TBC1D1: variants seen among roughly 807,000 people sequenced by gnomAD.
TBC1D1 encodes the protein TBC1 (tre-2/USP6, BUB2, cdc16) domain family, member 1.
TBC1D1 carries 89 observed loss-of-function variants against 125.6 expected under a neutral mutation model. The observed-to-expected ratio is 0.71, with a 90% CI of 0.60 to 0.85. The LOEUF (loss-of-function observed/expected upper bound fraction) is 0.85, where lower values mean the gene tolerates loss of function less well. Ranked by LOEUF, TBC1D1 falls within the 40% of genes least tolerant of loss-of-function variation. The probability of loss-of-function intolerance (pLI) is 0.00; values close to 1 mark genes in which losing one functional copy is unlikely to be tolerated. For missense variants in TBC1D1, 1,377 were observed against 1,469.2 expected (o/e 0.94, Z 1.03); for synonymous variants, 565 against 564.1 (o/e 1.00, Z -0.02).
At chr4:37,945,202 C>T (rs1726418849) in intron 2 of TBC1D1, among the ~76,000 whole-genome samples, 1 of 152,022 alleles carries the variant, frequency 6.6e-6, no homozygotes, top group African/African-American at 2.4e-5. Flanking sequence ...AAGCTGGTAT[C>T]CAATGTGACC....
chr4:37,937,098 T>A (rs990476052), intron 2 of TBC1D1, among the ~76,000 whole-genome samples: 1 of 152,232 alleles, frequency 6.6e-6, no homozygotes, highest in African/African-American at 2.4e-5. Flanking sequence ...ACGCTGGCAC[T>A]GCTGCTGCCA....
chr4:38,126,246 T>C (rs916460582), intron 18 of TBC1D1, among the ~76,000 whole-genome samples: 1 of 152,244 alleles, frequency 6.6e-6, no homozygotes, highest in Non-Finnish European at 1.5e-5. Context: ...TCTAATCTTA[T>C]GGGACCACCA....
At chr4:37,911,388 C>T (rs1718604320) in intron 2 of TBC1D1, among the ~76,000 whole-genome samples, 1 of 152,140 alleles carries the variant, frequency 6.6e-6, no homozygotes, top group Non-Finnish European at 1.5e-5. Context: ...AACCCACAAC[C>T]ACAGAAGGTG....
At chr4:38,121,141 T>G (rs1763778839) in intron 17 of TBC1D1, among the ~76,000 whole-genome samples, 1 of 152,236 alleles carries the variant, frequency 6.6e-6, no homozygotes, top group African/African-American at 2.4e-5. Context: ...GCTGTTGTTC[T>G]GCACAGCACT....
rs150240816 is a variant in TBC1D1, at chr4:38,041,803, A to G, written c.1414-2559A>G. On this transcript the variant is annotated intron_variant, in intron 8 of 19. Transcript: ENST00000261439. ...ACATGAATTGATAGGATAAACACCA[A>G]ATATTTCTGCATATGGCCAGGTGTG... is the stretch of plus-strand genomic sequence containing the variant. 5.4e-3 allele frequency among the ~76,000 whole-genome samples: 818 copies of G among 152,336 alleles called. 41 individuals are homozygous for G. Among genetic ancestry groups the G allele is most frequent in the Admixed American group, 0.051 (775 of 15,304 alleles).
rs80217025 is a variant in TBC1D1 at position 37,905,369 on chromosome 4, T to G, written c.417+2857T>G. Among the ~76,000 whole-genome samples, 183 of 152,370 alleles carry G rather than the reference T, an allele frequency of 1.2e-3. 3 individuals are homozygous for G. The East Asian group carries it at 0.028, about 24-fold the overall frequency. On this transcript the variant is annotated intron_variant, in intron 2 of 19. Coordinates refer to ENST00000261439, the MANE Select transcript of TBC1D1 (RefSeq NM_015173.4). ...ACTGAGGGTCCTGGGAATTTAACCA[T>G]GTTTATACAGTCTTTTATACATTAT...
At chr4:37,906,030 A>G (rs1012318144) in intron 2 of TBC1D1, among the ~76,000 whole-genome samples, 2 of 152,178 alleles carry the variant, frequency 1.3e-5, no homozygotes, top group African/African-American at 4.8e-5. Context: ...TGTCTATGAT[A>G]TTGGCTAGTT....
intron 12 of TBC1D1, among the ~76,000 whole-genome samples, chr4:38,067,141 C>G (rs1213928971): frequency 6.6e-6 from 1 of 152,178 alleles, no homozygotes; most frequent in East Asian, 1.9e-4. Flanking sequence ...TCCCAAAGTG[C>G]TGGGATTACA....
At chr4:38,005,371 A>G (rs1183722837) in intron 2 of TBC1D1, among the ~76,000 whole-genome samples, 1 of 152,216 alleles carries the variant, frequency 6.6e-6, no homozygotes, top group Non-Finnish European at 1.5e-5. Flanking sequence ...GTCTGGGGCT[A>G]GTTCTACCTG....
intron 2 of TBC1D1, among the ~76,000 whole-genome samples, chr4:37,985,171 T>C (rs984964202): frequency 6.6e-6 from 1 of 152,116 alleles, no homozygotes; most frequent in African/African-American, 2.4e-5. Flanking sequence ...GCCAGGATGG[T>C]CTTAAGCTCC....
intron 2 of TBC1D1, among the ~76,000 whole-genome samples, chr4:37,911,869 G>A (rs774505103): frequency 1.2e-4 from 18 of 152,210 alleles, no homozygotes; most frequent in Admixed American, 2.6e-4. Context: ...GAGGGCTAGT[G>A]TAATAAATGC....
intron 12 of TBC1D1, chr4:38,060,692 T>A: frequency 3.2e-6 from 4 of 1,258,812 alleles, no homozygotes; most frequent in Non-Finnish European, 4.2e-6. Flanking sequence ...ATCTGTCAGA[T>A]GAAGACCTCA....
intron 12 of TBC1D1, among the ~76,000 whole-genome samples, chr4:38,057,816 C>G (rs1302676671): frequency 1.3e-5 from 2 of 152,178 alleles, no homozygotes; most frequent in African/African-American, 4.8e-5. Context: ...ATCACTTTCC[C>G]CAAACCAGGG....
Position 37,902,176 on chromosome 4 carries a change from C to G in TBC1D1, c.81C>G (p.Gly27=), listed in dbSNP as rs140988541. The G allele has an allele frequency of 6.2e-7, 1 of 1,614,062 alleles. No homozygotes were observed. Among genetic ancestry groups the G allele is most frequent in the East Asian group, 2.2e-5 (1 of 44,868 alleles). Residue 27 remains glycine, a synonymous_variant, in exon 2 of 20, where the codon GGC becomes GGG. Transcript: ENST00000261439. The stretch of plus-strand genomic sequence containing the variant: ...TGGATTTTGGCCTGCAGCTGGTGGG[C>G]TCCCTGCCTGTGCATTCCCTGACCA...
intron 18 of TBC1D1, among the ~76,000 whole-genome samples, chr4:38,129,855 A>G (rs2152629656): frequency 6.6e-6 from 1 of 152,334 alleles, no homozygotes; most frequent in South Asian, 2.1e-4. Flanking sequence ...TCTTGATGCC[A>G]GTACCCAGCA....
At chr4:38,031,607 G>T (rs550175429) in intron 7 of TBC1D1, among the ~76,000 whole-genome samples, 11 of 152,160 alleles carry the variant, frequency 7.2e-5, no homozygotes, top group South Asian at 2.1e-4. Context: ...GTTGGAAATT[G>T]ATTTATTTAT....
chr4:37,946,983 A>G (rs1726826805), intron 2 of TBC1D1, among the ~76,000 whole-genome samples: 1 of 152,210 alleles, frequency 6.6e-6, no homozygotes, highest in Admixed American at 6.5e-5. Flanking sequence ...ATGTCTGGCA[A>G]CAGGTGGTAA....
At chr4:38,123,260 T>G (rs1353311420) in intron 17 of TBC1D1, among the ~76,000 whole-genome samples, 2 of 152,222 alleles carry the variant, frequency 1.3e-5, no homozygotes, top group Non-Finnish European at 2.9e-5. Flanking sequence ...GATGCCCTCA[T>G]TTTTTGTTCA....
rs545781615 is a variant in TBC1D1 at position 37,960,226 on chromosome 4, A to G, written c.418-54283A>G. ...AACTTGCCCAAATCTTACAGCTAAC[A>G]GAAAGTGGTACTCCCGAGATTCCTA... On this transcript the variant is annotated intron_variant, in intron 2 of 19. Coordinates refer to ENST00000261439, the MANE Select transcript of TBC1D1 (RefSeq NM_015173.4). 9.8e-5 allele frequency among the ~76,000 whole-genome samples: 15 copies of G among 152,326 alleles called. No individual in the cohort carries two copies. In the East Asian group the frequency reaches 2.9e-3, roughly 29 times the overall value.
Sources: allele counts gnomAD v4.1 joint callset (sites outside exome capture counted in the v4.1 genomes callset), GRCh38; gene constraint gnomAD v4.1.1; transcripts MANE v1.5; gene names NCBI Gene and HGNC (gene_info 2026-07-23, HGNC 2026-07-21).